The following IL6R variants were observed in gnomAD, a reference collection of about 807,000 sequenced individuals.
The protein encoded by IL6R is interleukin-6 receptor subunit alpha.
Under a neutral mutation model 48.3 loss-of-function variants are expected in IL6R, and 38 were observed. That is an observed-to-expected ratio of 0.79 (90% CI 0.61 to 1.03). The LOEUF is 1.03. IL6R is among the 50% of genes least tolerant of loss of function. The pLI, the probability that IL6R is intolerant of heterozygous loss-of-function variation, is 0.00. For synonymous variants in IL6R, 264 were observed against 256.2 expected (o/e 1.03, Z -0.29); for missense variants, 534 against 618.3 (o/e 0.86, Z 1.45).
chr1:154,455,598 G>A (rs1445361809), intron 9 of IL6R, among the ~76,000 whole-genome samples: 4 of 151,428 alleles, frequency 2.6e-5, no homozygotes, highest in African/African-American at 7.2e-5. Flanking sequence ...GACCACAGGT[G>A]CCCGCTACCA....
chr1:154,414,086 G>A (rs1303495332), intron 1 of IL6R, among the ~76,000 whole-genome samples: 1 of 151,842 alleles, frequency 6.6e-6, no homozygotes, highest in Non-Finnish European at 1.5e-5. Context: ...TCAAACTCTG[G>A]GTTCAAGCGA....
At chr1:154,410,181 G>A (rs1687943414) in intron 1 of IL6R, among the ~76,000 whole-genome samples, 1 of 152,076 alleles carries the variant, frequency 6.6e-6, no homozygotes, top group Non-Finnish European at 1.5e-5. Flanking sequence ...TAAATGCCAG[G>A]TCATAACTGC....
chr1:154,438,319 C>T (rs1220070048), intron 6 of IL6R, among the ~76,000 whole-genome samples: 1 of 151,920 alleles, frequency 6.6e-6, no homozygotes, highest in African/African-American at 2.4e-5. Context: ...GACCACAACC[C>T]AGAGAGTGGT....
chr1:154,428,991 T>C (rs1689135322), intron 1 of IL6R, among the ~76,000 whole-genome samples: 1 of 152,108 alleles, frequency 6.6e-6, no homozygotes, highest in Non-Finnish European at 1.5e-5. Flanking sequence ...GGATCATGGC[T>C]TCAGAAGGCT....
At chr1:154,420,510 AT>A (rs1205558692) in intron 1 of IL6R, among the ~76,000 whole-genome samples, 3 of 127,090 alleles carry the variant, frequency 2.4e-5, no homozygotes, top group Admixed American at 7.4e-5. Flanking sequence ...ACTTTATTTT[AT>A]TTTATTTATT....
At chr1:154,448,704 AG>A (rs567485220) in intron 7 of IL6R, among the ~76,000 whole-genome samples, 78 of 152,180 alleles carry the variant, frequency 5.1e-4, no homozygotes, top group African/African-American at 1.8e-3. Flanking sequence ...TGTTCCATGT[AG>A]GAACAGCTGC....
At chr1:154,420,079 G>A (rs1688567875) in intron 1 of IL6R, among the ~76,000 whole-genome samples, 1 of 152,102 alleles carries the variant, frequency 6.6e-6, no homozygotes, top group East Asian at 1.9e-4. Context: ...TGAGGAATGG[G>A]AGGCAAGGGA....
At chr1:154,451,916 C>T (rs1690604515) in intron 8 of IL6R, among the ~76,000 whole-genome samples, 1 of 152,186 alleles carries the variant, frequency 6.6e-6, no homozygotes, top group Non-Finnish European at 1.5e-5. Flanking sequence ...TCTTCTCCAT[C>T]TTCCCTATCT....
chr1:154,423,358 G>T (rs1173037867), intron 1 of IL6R, among the ~76,000 whole-genome samples: 1 of 147,734 alleles, frequency 6.8e-6, no homozygotes, highest in African/African-American at 2.5e-5. Flanking sequence ...GGAAGAGAAA[G>T]AAATCACCTC....
intron 1 of IL6R, among the ~76,000 whole-genome samples, chr1:154,411,277 C>T (rs553437826): frequency 8.0e-4 from 122 of 152,212 alleles, no homozygotes; most frequent in African/African-American, 2.8e-3. Flanking sequence ...AGTCTGGTCT[C>T]GAACTCCTGA....
intron 8 of IL6R, among the ~76,000 whole-genome samples, chr1:154,453,137 G>A (rs575860342): frequency 8.5e-5 from 13 of 152,144 alleles, no homozygotes; most frequent in Non-Finnish European, 1.6e-4. Context: ...CCCGGGAGGC[G>A]GAGGCTGCAG....
chr1:154,439,908 T>C (rs1689837519), intron 6 of IL6R, among the ~76,000 whole-genome samples: 5 of 151,142 alleles, frequency 3.3e-5, no homozygotes, highest in Admixed American at 3.3e-4. Context: ...TCTTTTTCTC[T>C]TTTTTTTTGA....
rs1283303159 is a variant in IL6R at position 154,448,214 on chromosome 1, C to T, written c.996+43C>T. 3.2e-6 allele frequency: 5 copies of T among 1,553,720 alleles called. No homozygotes were observed. The African/African-American group carries it at 4.1e-5, about 13-fold the overall frequency. Reference sequence around the variant, plus strand: ...TAAAAGGGTCAGGGCTGCAGCACCTCGTGTTTAGGAGTGTGGGCTGATGCC... The same window carrying T: ...TAAAAGGGTCAGGGCTGCAGCACCTTGTGTTTAGGAGTGTGGGCTGATGCC... On this transcript the variant is annotated intron_variant, in intron 7 of 9. Coordinates refer to ENST00000368485, the MANE Select transcript of IL6R (RefSeq NM_000565.4).
chr1:154,451,483 A>G (rs1235293130), intron 8 of IL6R, among the ~76,000 whole-genome samples: 1 of 151,990 alleles, frequency 6.6e-6, no homozygotes, highest in Non-Finnish European at 1.5e-5. Flanking sequence ...GAGCCACTGC[A>G]CTCTAGCCTG....
rs1688509398 is a variant in IL6R at position 154,419,061 on chromosome 1, G to A, written c.86-10135G>A. 2.0e-5 allele frequency among the ~76,000 whole-genome samples: 3 copies of A among 152,170 alleles called. 1 individual carries two copies. The highest frequency in any genetic ancestry group is 4.1e-4 in the South Asian group (2 of 4,834). On this transcript the variant is annotated intron_variant, in intron 1 of 9. Transcript: ENST00000368485. ...GAGCATGGAGAGGTACCTGGGCCAAGTAGAGAGAGGCTTTGGCCAGGCTCA... is the reference window on the plus strand; with the variant it reads ...GAGCATGGAGAGGTACCTGGGCCAAATAGAGAGAGGCTTTGGCCAGGCTCA...
intron 1 of IL6R, among the ~76,000 whole-genome samples, chr1:154,410,402 C>T (rs1285859112): frequency 2.0e-5 from 3 of 152,120 alleles, no homozygotes; most frequent in Non-Finnish European, 4.4e-5. Context: ...CAGGCGTGCA[C>T]CACCACATCT....
intron 9 of IL6R, among the ~76,000 whole-genome samples, chr1:154,461,240 A>G (rs977199145): frequency 3.9e-5 from 6 of 152,238 alleles, no homozygotes; most frequent in African/African-American, 1.4e-4. Context: ...GAAAGTGGAC[A>G]AGGAGCATGA....
intron 9 of IL6R, among the ~76,000 whole-genome samples, chr1:154,456,007 A>G (rs1023616910): frequency 1.7e-4 from 26 of 151,796 alleles, no homozygotes; most frequent in Non-Finnish European, 2.4e-4. Flanking sequence ...CAGTGAGCCA[A>G]GATTGCGCCA....
At chr1:154,447,515 A>G (rs1456287513) in intron 6 of IL6R, among the ~76,000 whole-genome samples, 2 of 135,458 alleles carry the variant, frequency 1.5e-5, no homozygotes, top group African/African-American at 5.6e-5. Flanking sequence ...ATATATATAC[A>G]CACATACATA....
Sources: allele counts gnomAD v4.1 joint callset (sites outside exome capture counted in the v4.1 genomes callset), GRCh38; gene constraint gnomAD v4.1.1; transcripts MANE v1.5; gene names NCBI Gene and HGNC (gene_info 2026-07-23, HGNC 2026-07-21).